Variants in RBFOX1 observed in about 807,000 individuals in gnomAD.
RBFOX1 encodes the protein RNA binding protein fox-1 homolog 1.
A neutral mutation model predicts 57.7 loss-of-function variants in RBFOX1; 8 were observed. The ratio of observed to expected loss-of-function variants is 0.14; its 90% CI spans 0.08 to 0.25. The LOEUF is 0.25. Ranked by LOEUF, RBFOX1 falls within the 10% of genes least tolerant of loss-of-function variation. The probability of loss-of-function intolerance (pLI) is 1.00; values close to 1 mark genes in which losing one functional copy is unlikely to be tolerated. For synonymous variants in RBFOX1, 326 were observed against 222.4 expected (o/e 1.47, Z -4.15); for missense variants, 611 against 548.5 (o/e 1.11, Z -1.14).
At chr16:7,288,049 G>A (rs2095685305) in intron 4 of RBFOX1, among the ~76,000 whole-genome samples, 1 of 152,134 alleles carries the variant, frequency 6.6e-6, no homozygotes, top group Non-Finnish European at 1.5e-5. Context: ...CTGTAGAAGG[G>A]AAGGAGTAAC....
At chr16:5,723,723 T>C (rs778702559) in intron 3 of RBFOX1, among the ~76,000 whole-genome samples, 3 of 152,062 alleles carry the variant, frequency 2.0e-5, no homozygotes, top group Non-Finnish European at 4.4e-5. Context: ...GGCTGGATGG[T>C]GTCTGAGGTC....
intron 3 of RBFOX1, chr16:6,775,790 G>C (rs1048955953): frequency 6.6e-6 from 1 of 152,312 alleles, no homozygotes; most frequent in African/African-American, 2.4e-5. Context: ...GAACAAATGC[G>C]TGAACCACAG....
intron 2 of RBFOX1, among the ~76,000 whole-genome samples, chr16:5,494,394 T>C (rs1412841133): frequency 6.6e-6 from 1 of 152,104 alleles, no homozygotes; most frequent in Non-Finnish European, 1.5e-5. Flanking sequence ...GAACACTAAA[T>C]AAGGGTGAGA....
At chr16:6,934,590 G>C (rs1347332171) in intron 3 of RBFOX1, among the ~76,000 whole-genome samples, 2 of 152,180 alleles carry the variant, frequency 1.3e-5, no homozygotes, top group African/African-American at 4.8e-5. Context: ...CATGTCATTT[G>C]CAGCAGCACA....
chr16:7,709,982 T>TA, intron 15 of RBFOX1: 3 of 1,008,560 alleles, frequency 3.0e-6, no homozygotes, highest in Non-Finnish European at 3.5e-6. Context: ...CCAATACTTT[T>TA]AGAAAAAGGA....
intron 4 of RBFOX1, among the ~76,000 whole-genome samples, chr16:5,967,761 T>G (rs781413670): frequency 6.6e-5 from 10 of 152,166 alleles, no homozygotes; most frequent in Non-Finnish European, 1.2e-4. Context: ...ATGTGATTGC[T>G]TCAACAATAT....
upstream of RBFOX1, among the ~76,000 whole-genome samples, chr16:6,017,847 G>T (rs1282893754): frequency 6.6e-6 from 1 of 152,134 alleles, no homozygotes; most frequent in East Asian, 1.9e-4. Context: ...CACATCACAT[G>T]GCCCCCTGTT....
chr16:6,749,539 G>C (rs965853457), intron 3 of RBFOX1, among the ~76,000 whole-genome samples: 1 of 152,146 alleles, frequency 6.6e-6, no homozygotes, highest in Non-Finnish European at 1.5e-5. Context: ...ACCTGCCTTT[G>C]ACTTCATATC....
chr16:6,071,600 T>C (rs1025027416), intron 1 of RBFOX1, among the ~76,000 whole-genome samples: 9 of 152,254 alleles, frequency 5.9e-5, no homozygotes, highest in South Asian at 2.1e-4. Flanking sequence ...GAGTGAAAAA[T>C]TGATAAACTT....
chr16:5,374,318 C>A (rs557580707), intron 1 of RBFOX1, among the ~76,000 whole-genome samples: 1 of 152,268 alleles, frequency 6.6e-6, no homozygotes, highest in East Asian at 1.9e-4. Flanking sequence ...ATAAAGAGGC[C>A]TGGAAGTTTG....
chr16:7,361,730 A>G (rs936699623), intron 4 of RBFOX1, among the ~76,000 whole-genome samples: 1 of 152,220 alleles, frequency 6.6e-6, no homozygotes, highest in East Asian at 1.9e-4. Flanking sequence ...CATGCTGGTG[A>G]AAGTAGGCAA....
intron 4 of RBFOX1, among the ~76,000 whole-genome samples, chr16:7,470,210 A>G (rs1205576601): frequency 1.3e-5 from 2 of 152,186 alleles, no homozygotes; most frequent in African/African-American, 2.4e-5. Context: ...CTATCATAGA[A>G]CTTATCTCAC....
chr16:5,608,133 A>G (rs1303838512), intron 3 of RBFOX1, among the ~76,000 whole-genome samples: 1 of 152,184 alleles, frequency 6.6e-6, no homozygotes, highest in Non-Finnish European at 1.5e-5. Context: ...CCCACCAGCA[A>G]TGACTATGAA....
At chr16:7,226,089 T>C (rs1248336601) in intron 4 of RBFOX1, among the ~76,000 whole-genome samples, 1 of 151,974 alleles carries the variant, frequency 6.6e-6, no homozygotes, top group Non-Finnish European at 1.5e-5. Flanking sequence ...ATGCTCACCC[T>C]CAACTCAGGA....
intron 9 of RBFOX1, among the ~76,000 whole-genome samples, chr16:7,600,286 A>G (rs964911616): frequency 5.3e-5 from 8 of 152,168 alleles, no homozygotes; most frequent in Non-Finnish European, 1.0e-4. Flanking sequence ...TTAAAACACA[A>G]ATGTCAATTC....
At chr16:7,220,965 A>G (rs1268616858) in intron 4 of RBFOX1, among the ~76,000 whole-genome samples, 4 of 152,138 alleles carry the variant, frequency 2.6e-5, no homozygotes, top group Non-Finnish European at 5.9e-5. Context: ...TGAGAAAGGG[A>G]CACCTGTCCA....
At position 5,303,518 on chromosome 16, in the gene RBFOX1, C is replaced by T. The variant is rs1360998772; in HGVS notation, c.219+63413C>T. 2.0e-5 allele frequency among the ~76,000 whole-genome samples: 3 copies of T among 152,220 alleles called. No homozygotes were observed. In the East Asian group the frequency reaches 5.8e-4, roughly 29 times the overall value. On this transcript the variant is annotated intron_variant, in intron 1 of 2. Coordinates refer to the RBFOX1 transcript ENST00000585867. ...TAGGAGGCAGGGAACATTCTGAAAC[C>T]CTGGAGAAAAGCTGGCTGTGGGAGT...
chr16:6,936,698 T>C (rs1417501922), intron 3 of RBFOX1, among the ~76,000 whole-genome samples: 1 of 152,054 alleles, frequency 6.6e-6, no homozygotes, highest in Non-Finnish European at 1.5e-5. Context: ...AGGATAGCAT[T>C]AGATTAATAT....
At chr16:5,677,559 A>G (rs1010752848) in intron 3 of RBFOX1, among the ~76,000 whole-genome samples, 35 of 152,190 alleles carry the variant, frequency 2.3e-4, no homozygotes, top group African/African-American at 6.8e-4. Context: ...AATTCACCGG[A>G]CCAATCCATA....
Sources: gnomAD v4.1 joint callset for allele counts (sites outside exome capture counted in the v4.1 genomes callset) on GRCh38, gnomAD v4.1.1 for gene constraint, MANE v1.5 for transcripts, NCBI Gene and HGNC (gene_info 2026-07-23, HGNC 2026-07-21) for gene names.